The following ROBO2 variants were observed in gnomAD, a reference collection of about 807,000 sequenced individuals.
The protein encoded by ROBO2 is roundabout guidance receptor 2.
ROBO2 carries 53 observed loss-of-function variants against 160.8 expected under a neutral mutation model. The observed-to-expected ratio is 0.33, with a 90% CI of 0.26 to 0.41. The LOEUF (loss-of-function observed/expected upper bound fraction) is 0.41, where lower values mean the gene tolerates loss of function less well. Among genes scored for constraint, ROBO2 ranks in the 10% least tolerant of loss-of-function variants. The pLI is 1.00. For missense variants in ROBO2, 1,577 were observed against 1,722.4 expected, an observed-to-expected ratio of 0.92 and a Z score of 1.49; for synonymous variants, 664 against 611.7, an observed-to-expected ratio of 1.09 and a Z score of -1.26.
chr3:76,937,192 G>C (rs2077761411), intron 2 of ROBO2, among the ~76,000 whole-genome samples: 1 of 152,134 alleles, frequency 6.6e-6, no homozygotes, highest in Admixed American at 6.5e-5. Context: ...TTATATGGCT[G>C]TCCATAGAAG....
chr3:77,458,298 C>A (rs1234691944), intron 2 of ROBO2, among the ~76,000 whole-genome samples: 1 of 152,060 alleles, frequency 6.6e-6, no homozygotes, highest in Non-Finnish European at 1.5e-5. Context: ...GAAAATATAA[C>A]CTATAAGAAT....
At chr3:77,193,052 A>AT (rs1341596574) in intron 2 of ROBO2, among the ~76,000 whole-genome samples, 4 of 152,286 alleles carry the variant, frequency 2.6e-5, no homozygotes, top group African/African-American at 9.6e-5. Flanking sequence ...GCATGCCAGC[A>AT]TTAAAAAAAA....
chr3:75,922,156 T>G (rs1378637854), intron 1 of ROBO2, among the ~76,000 whole-genome samples: 1 of 152,202 alleles, frequency 6.6e-6, no homozygotes, highest in Non-Finnish European at 1.5e-5. Flanking sequence ...AGTGGGTAAG[T>G]GATAAACGGT....
intron 1 of ROBO2, among the ~76,000 whole-genome samples, chr3:75,914,511 A>T (rs1946726916): frequency 6.6e-6 from 1 of 152,168 alleles, no homozygotes; most frequent in South Asian, 2.1e-4. Flanking sequence ...TAATATTGTA[A>T]CATTTAACAA....
At chr3:76,548,684 A>G (rs2083251627) in intron 2 of ROBO2, among the ~76,000 whole-genome samples, 1 of 151,770 alleles carries the variant, frequency 6.6e-6, no homozygotes, top group African/African-American at 2.4e-5. Flanking sequence ...AAAGCAATAA[A>G]GTTGAGGAGT....
intron 2 of ROBO2, among the ~76,000 whole-genome samples, chr3:77,132,664 A>G (rs1441286041): frequency 6.6e-6 from 1 of 152,028 alleles, no homozygotes; most frequent in East Asian, 1.9e-4. Context: ...GTTTCCATTC[A>G]CTAAAGAGTC....
At chr3:76,929,952 A>G (rs1390209149) in intron 2 of ROBO2, among the ~76,000 whole-genome samples, 3 of 152,064 alleles carry the variant, frequency 2.0e-5, no homozygotes, top group Non-Finnish European at 2.9e-5. Flanking sequence ...CACCCTCTAC[A>G]CTGGCTATTT....
chr3:76,171,410 C>T (rs1270776497), intron 2 of ROBO2, among the ~76,000 whole-genome samples: 1 of 150,872 alleles, frequency 6.6e-6, no homozygotes, highest in East Asian at 1.9e-4. Context: ...GAAGTCAAAC[C>T]TTGAAGAGCC....
At chr3:76,058,745 C>G (rs966782013) in intron 2 of ROBO2, among the ~76,000 whole-genome samples, 5 of 149,788 alleles carry the variant, frequency 3.3e-5, no homozygotes, top group Admixed American at 2.0e-4. Context: ...GTGTGCTGCA[C>G]CCATTAACTC....
chr3:76,732,210 T>G (rs146165197), intron 2 of ROBO2, among the ~76,000 whole-genome samples: 1,820 of 151,288 alleles, frequency 0.012, 20 homozygotes, highest in Non-Finnish European at 0.018. Context: ...TAAAGGAGAG[T>G]GTTTGGTAGA....
chr3:77,455,058 T>A (rs745876913), intron 2 of ROBO2, among the ~76,000 whole-genome samples: 5 of 152,206 alleles, frequency 3.3e-5, no homozygotes, highest in Non-Finnish European at 5.9e-5. Flanking sequence ...GTCACTAGCT[T>A]GTAATTTCAA....
intron 2 of ROBO2, among the ~76,000 whole-genome samples, chr3:76,247,183 T>C (rs961870733): frequency 6.6e-6 from 1 of 152,134 alleles, no homozygotes; most frequent in Non-Finnish European, 1.5e-5. Context: ...CTTAGACTTC[T>C]TACGTGTGTT....
exon 26 of ROBO2, chr3:77,649,542 C>T (rs2095434898): frequency 6.6e-6 from 1 of 152,158 alleles, no homozygotes; most frequent in Non-Finnish European, 1.5e-5. Context: ...TATGGAATTA[C>T]ATGGCAAGAA....
intron 2 of ROBO2, among the ~76,000 whole-genome samples, chr3:76,604,794 T>G (rs1446878275): frequency 2.0e-5 from 3 of 152,120 alleles, no homozygotes; most frequent in African/African-American, 7.2e-5. Context: ...CAGCAATGTA[T>G]AGTTAGAGAT....
chr3:77,544,486 G>A (rs1482462916), intron 6 of ROBO2, among the ~76,000 whole-genome samples: 3 of 152,078 alleles, frequency 2.0e-5, no homozygotes, highest in South Asian at 2.1e-4. Flanking sequence ...CGTTAGATGC[G>A]TTGAACTAGG....
chr3:76,494,300 C>G (rs2080012940), intron 2 of ROBO2, among the ~76,000 whole-genome samples: 1 of 152,186 alleles, frequency 6.6e-6, no homozygotes. Flanking sequence ...ATTAAACTGA[C>G]ATACGACAGA....
intron 2 of ROBO2, among the ~76,000 whole-genome samples, chr3:76,846,737 C>G (rs1237395732): frequency 3.3e-5 from 5 of 152,034 alleles, no homozygotes; most frequent in African/African-American, 1.2e-4. Context: ...TTTTTCCAAT[C>G]ATTTTAACTT....
At chr3:76,810,893 CTATT>C (rs1371828492) in intron 2 of ROBO2, among the ~76,000 whole-genome samples, 1 of 152,072 alleles carries the variant, frequency 6.6e-6, no homozygotes, top group African/African-American at 2.4e-5. Flanking sequence ...CAAGACTAAA[CTATT>C]TAGTGACAGT....
chr3:77,247,289 C>A (rs1188485262), intron 2 of ROBO2, among the ~76,000 whole-genome samples: 4 of 152,126 alleles, frequency 2.6e-5, no homozygotes, highest in African/African-American at 7.2e-5. Context: ...AATCTTTATT[C>A]CTGGAGGTGG....
Sources: gnomAD v4.1 joint callset for allele counts (sites outside exome capture counted in the v4.1 genomes callset) on GRCh38, gnomAD v4.1.1 for gene constraint, MANE v1.5 for transcripts, NCBI Gene and HGNC (gene_info 2026-07-23, HGNC 2026-07-21) for gene names.